The following NLGN4X variants were observed in gnomAD, a reference collection of about 807,000 sequenced individuals.
NLGN4X encodes the protein neuroligin 4 X-linked.
A neutral mutation model predicts 40.3 loss-of-function variants in NLGN4X; 3 were observed. The ratio of observed to expected loss-of-function variants is 0.07; its 90% CI spans 0.03 to 0.19. The LOEUF is 0.19. NLGN4X is among the 10% of genes least tolerant of loss of function. The pLI is 1.00. For synonymous variants in NLGN4X, 270 were observed against 306.8 expected, an observed-to-expected ratio of 0.88 and a Z score of 1.25; for missense variants, 382 against 708.3, an observed-to-expected ratio of 0.54 and a Z score of 5.23.
intron 2 of NLGN4X, among the ~76,000 whole-genome samples, chrX:6,033,776 T>C (rs2036931301): frequency 8.9e-6 from 1 of 112,287 alleles, no homozygotes; most frequent in Non-Finnish European, 1.9e-5. Context: ...TTTTGGTTTT[T>C]ATAGTTTCCA....
At chrX:6,219,560 CTTTCTTTCTTT>C (rs1361542776) in intron 1 of NLGN4X, among the ~76,000 whole-genome samples, 15 of 33,174 alleles carry the variant, frequency 4.5e-4, no homozygotes, top group African/African-American at 7.6e-4. Flanking sequence ...TTCTTTCTTT[CTTTCTTTCTTT>C]CTTCCTTCCT....
chrX:6,063,041 T>A (rs2037810596), intron 2 of NLGN4X, among the ~76,000 whole-genome samples: 1 of 111,193 alleles, frequency 9.0e-6, no homozygotes, highest in African/African-American at 3.3e-5. Flanking sequence ...CTTAGCTATT[T>A]CAATTCTCTA....
At chrX:5,971,820 A>G (rs6654803) in intron 3 of NLGN4X, among the ~76,000 whole-genome samples, 7,540 of 111,523 alleles carry the variant, frequency 0.068, 632 homozygotes, top group African/African-American at 0.23. Context: ...GTTCTGGATA[A>G]GAGGGACAAC....
chrX:6,169,842 T>C (rs2040568735), intron 1 of NLGN4X, among the ~76,000 whole-genome samples: 1 of 111,188 alleles, frequency 9.0e-6, no homozygotes, highest in African/African-American at 3.3e-5. Flanking sequence ...AATGGGAAGC[T>C]TGGGAGAAGC....
intron 5 of NLGN4X, among the ~76,000 whole-genome samples, chrX:5,894,221 C>T (rs896216775): frequency 3.2e-4 from 36 of 112,264 alleles, no homozygotes; most frequent in Middle Eastern, 4.7e-3. Context: ...GTTAACAGTA[C>T]TGAGGTTGAG....
At chrX:6,212,726 G>A (rs767732601) in intron 1 of NLGN4X, among the ~76,000 whole-genome samples, 1 of 111,888 alleles carries the variant, frequency 8.9e-6, no homozygotes, top group Non-Finnish European at 1.9e-5. Flanking sequence ...TTTGCAAGCT[G>A]AGCATCCATG....
At chrX:5,918,207 ACT>A (rs1344473346) in intron 3 of NLGN4X, among the ~76,000 whole-genome samples, 1 of 111,075 alleles carries the variant, frequency 9.0e-6, no homozygotes, top group Non-Finnish European at 1.9e-5. Context: ...CTATTTTAAA[ACT>A]CATTTGAATG....
chrX:5,977,172 T>C (rs1285466605), intron 3 of NLGN4X, among the ~76,000 whole-genome samples: 2 of 112,333 alleles, frequency 1.8e-5, no homozygotes, highest in Non-Finnish European at 3.8e-5. Context: ...GTATCTCTCA[T>C]AGAATACATT....
chrX:6,193,945 A>T (rs898824206), intron 1 of NLGN4X, among the ~76,000 whole-genome samples: 2 of 112,509 alleles, frequency 1.8e-5, no homozygotes, highest in African/African-American at 6.5e-5. Context: ...TGCAAGAACT[A>T]ATCCTCAACC....
intron 2 of NLGN4X, among the ~76,000 whole-genome samples, chrX:6,105,251 G>C (rs1024571010): frequency 2.7e-5 from 3 of 110,547 alleles, no homozygotes; most frequent in Non-Finnish European, 5.7e-5. Flanking sequence ...AGTAGAGATG[G>C]GGTTTCACCA....
At chrX:6,070,833 A>T (rs756678025) in intron 2 of NLGN4X, among the ~76,000 whole-genome samples, 2 of 111,419 alleles carry the variant, frequency 1.8e-5, no homozygotes, top group East Asian at 5.6e-4. Flanking sequence ...CGAAGGAGGA[A>T]CCTGCCAGAC....
chrX:5,993,754 A>G (rs1172104682), intron 3 of NLGN4X, among the ~76,000 whole-genome samples: 1 of 111,856 alleles, frequency 8.9e-6, no homozygotes, highest in East Asian at 2.8e-4. Context: ...TGTGAACCAC[A>G]TAGAAAGAAG....
rs1424682858 is a variant in NLGN4X at position 5,891,590 on chromosome X, A to T, written c.*1227T>A. The T allele has an allele frequency of 4.1e-6, 1 of 245,390 alleles. No individual in the cohort carries two copies. The highest frequency in any genetic ancestry group is 7.4e-6 in the Non-Finnish European group (1 of 135,731). 20.2% of individuals were successfully genotyped at this position (245,390 alleles called of 1,213,427 possible). On this transcript the variant is annotated 3_prime_UTR_variant, in exon 6 of 6. Transcript: ENST00000381095. Reference sequence around the variant, plus strand: ...TACTCCAAGGGGCATAGCCCCACCAAAGGCAAGCTTTCTTCTTTTTTTGGC... The same window carrying T: ...TACTCCAAGGGGCATAGCCCCACCATAGGCAAGCTTTCTTCTTTTTTTGGC...
chrX:6,077,247 T>A (rs1205072875), intron 2 of NLGN4X, among the ~76,000 whole-genome samples: 2 of 109,648 alleles, frequency 1.8e-5, no homozygotes, highest in African/African-American at 6.6e-5. Flanking sequence ...AGCATCAATG[T>A]TATTACATTC....
intron 3 of NLGN4X, among the ~76,000 whole-genome samples, chrX:5,925,875 TACACAC>T (rs201741503): frequency 2.7e-3 from 40 of 14,645 alleles, no homozygotes; most frequent in Non-Finnish European, 3.4e-3. Flanking sequence ...TATATATACA[TACACAC>T]ATATATATAT....
At chrX:6,107,743 A>G (rs2039062304) in intron 2 of NLGN4X, among the ~76,000 whole-genome samples, 1 of 111,243 alleles carries the variant, frequency 9.0e-6, no homozygotes, top group Admixed American at 9.5e-5. Context: ...GATTGTTTCC[A>G]TCTTTATATC....
intron 2 of NLGN4X, among the ~76,000 whole-genome samples, chrX:6,143,603 C>T (rs890921321): frequency 8.9e-6 from 1 of 112,279 alleles, no homozygotes; most frequent in African/African-American, 3.2e-5. Context: ...CCCTTTGGTA[C>T]CTTTCTGTGT....
chrX:6,011,631 C>T lies in NLGN4X; in HGVS notation c.625+17649G>A, dbSNP rs193089899. 5.4e-5 allele frequency among the ~76,000 whole-genome samples: 6 copies of T among 110,572 alleles called. No homozygotes were observed. In the East Asian group the frequency reaches 1.7e-3, roughly 32 times the overall value. On this transcript the variant is annotated intron_variant, in intron 3 of 5. Transcript: ENST00000381095. ...CCATCTAGGTCCTATAATCCATGGCCTAAAATTGGCTTTCACCAGAATATA... is the reference window on the plus strand; with the variant it reads ...CCATCTAGGTCCTATAATCCATGGCTTAAAATTGGCTTTCACCAGAATATA...
At chrX:6,044,942 T>G (rs992984278) in intron 2 of NLGN4X, among the ~76,000 whole-genome samples, 1 of 112,292 alleles carries the variant, frequency 8.9e-6, no homozygotes, top group African/African-American at 3.2e-5. Context: ...TAAAATAAGA[T>G]GCAGTTTCTT....
Sources: gnomAD v4.1 joint callset for allele counts (sites outside exome capture counted in the v4.1 genomes callset) on GRCh38, gnomAD v4.1.1 for gene constraint, MANE v1.5 for transcripts, NCBI Gene and HGNC (gene_info 2026-07-23, HGNC 2026-07-21) for gene names.